TCF20: variants seen among roughly 807,000 people sequenced by gnomAD.
TCF20 encodes the protein transcription factor 20, also known as SPRE-binding protein.
In TCF20, 3 loss-of-function variants were observed where a neutral mutation model predicts 148.6. That is an observed-to-expected ratio of 0.02 (90% CI 0.01 to 0.05). The LOEUF is 0.05. Among genes scored for constraint, TCF20 ranks in the 10% least tolerant of loss-of-function variants. The probability of loss-of-function intolerance (pLI) is 1.00; values close to 1 mark genes in which losing one functional copy is unlikely to be tolerated. For synonymous variants in TCF20, 1,049 were observed against 909.5 expected, an observed-to-expected ratio of 1.15 and a Z score of -2.76; for missense variants, 2,350 against 2,429.3, an observed-to-expected ratio of 0.97 and a Z score of 0.69.
upstream of TCF20, chr22:42,275,148 G>A (rs1340935001): frequency 4.6e-5 from 7 of 152,306 alleles, no homozygotes; most frequent in African/African-American, 1.7e-4. Flanking sequence ...GACCTAGACA[G>A]TCAGTAGGAC....
At chr22:42,235,417 T>C (rs1270788505) in intron 1 of TCF20, among the ~76,000 whole-genome samples, 1 of 152,144 alleles carries the variant, frequency 6.6e-6, no homozygotes, top group East Asian at 1.9e-4. Context: ...GTGCACACCA[T>C]CTCTCTCCTG....
Position 42,269,243 on chromosome 22 carries a change from T to C in TCF20, c.-37+1096A>G, listed in dbSNP as rs188240477. On this transcript the variant is annotated intron_variant, in intron 1 of 5. Coordinates refer to ENST00000677622, the MANE Select transcript of TCF20 (RefSeq NM_001378418.1). The stretch of plus-strand genomic sequence containing the variant: ...ATTCAAAGATCAGCCTGTTAGATAA[T>C]AGCTCGAAAATTCCATCCATTTTAC... Among the ~76,000 whole-genome samples the C allele has an allele frequency of 3.0e-3, 462 of 152,118 alleles. 1 individual carries two copies. Among genetic ancestry groups the C allele is most frequent in the Non-Finnish European group, 4.4e-3 (297 of 67,990 alleles).
upstream of TCF20, among the ~76,000 whole-genome samples, chr22:42,271,059 G>A (rs1199167258): frequency 6.6e-6 from 1 of 152,144 alleles, no homozygotes; most frequent in Non-Finnish European, 1.5e-5. Flanking sequence ...CGGCCCGGGA[G>A]GTCCGCGGGC....
In TCF20 at chr22:42,214,201, T is replaced by C. The variant is rs777286706; in HGVS notation, c.1105A>G (p.Asn369Asp). 1.9e-6 allele frequency: 3 copies of C among 1,614,158 alleles called. No individual in the cohort carries two copies. Among genetic ancestry groups the C allele is most frequent in the Non-Finnish European group, 2.5e-6 (3 of 1,180,022 alleles). The change falls in exon 2 of 6, where the codon AAC becomes GAC. Residue 369 changes from asparagine (N) to aspartate (D), a missense_variant. This residue lies in a region of TCF20 where 1,641 missense variants were observed against 1,662.6 expected (regional missense o/e 0.99). Coordinates refer to ENST00000677622, the MANE Select transcript of TCF20 (RefSeq NM_001378418.1). ...QFHQNFSPIS[N>D]PSPAASVVQS... Reference sequence around the variant, plus strand: ...ACCACAGAGGCAGCTGGAGAAGGGTTAGAAATGGGGCTGAAGTTCTGGTGA... The same window carrying C: ...ACCACAGAGGCAGCTGGAGAAGGGTCAGAAATGGGGCTGAAGTTCTGGTGA...
intron 2 of TCF20, among the ~76,000 whole-genome samples, chr22:42,200,144 C>A (rs1184101088): frequency 6.6e-6 from 1 of 152,158 alleles, no homozygotes; most frequent in Non-Finnish European, 1.5e-5. Context: ...GTATATTAGG[C>A]TGAACTGCCT....
chr22:42,224,289 GT>G (rs1256956069), intron 1 of TCF20, among the ~76,000 whole-genome samples: 1 of 151,990 alleles, frequency 6.6e-6, no homozygotes, highest in African/African-American at 2.4e-5. Flanking sequence ...GGCTAACACA[GT>G]GAAACCCCGT....
At chr22:42,331,306 G>A (rs895055912) in intron 1 of TCF20, among the ~76,000 whole-genome samples, 1 of 152,126 alleles carries the variant, frequency 6.6e-6, no homozygotes, top group African/African-American at 2.4e-5. Context: ...CCTGCCGCAC[G>A]CCCTGGAAAC....
In TCF20 at chr22:42,212,864, A is replaced by T; in HGVS notation, c.2442T>A (p.Asn814Lys). 6.2e-7 allele frequency: 1 copy of T among 1,613,960 alleles called. No individual in the cohort carries two copies. Residue 814 changes from asparagine to lysine, a missense_variant, in exon 2 of 6, where the codon AAT (asparagine) becomes AAA (lysine). Transcript: ENST00000677622. Reference sequence around the variant, plus strand: ...TCCTTTCCCAGGGGCCCCAGTGGGGATTTTCTAATAGAGACCCAATGCTTT... The same window carrying T: ...TCCTTTCCCAGGGGCCCCAGTGGGGTTTTTCTAATAGAGACCCAATGCTTT... ...LNKSIGSLLE[N>K]PHWGPWERKS...
chr22:42,253,183 G>A (rs1264223044), intron 1 of TCF20, among the ~76,000 whole-genome samples: 2 of 152,158 alleles, frequency 1.3e-5, no homozygotes, highest in East Asian at 1.9e-4. Flanking sequence ...CAAAGAGAAT[G>A]CATTAGTTCA....
upstream of TCF20, among the ~76,000 whole-genome samples, chr22:42,287,364 T>A (rs1927051425): frequency 6.6e-6 from 1 of 152,158 alleles, no homozygotes; most frequent in Admixed American, 6.5e-5. Flanking sequence ...ATGAGCAAAC[T>A]GAGGCCCAGA....
intron 1 of TCF20, among the ~76,000 whole-genome samples, chr22:42,319,874 T>C (rs1459179480): frequency 2.6e-5 from 4 of 152,058 alleles, no homozygotes; most frequent in African/African-American, 9.7e-5. Context: ...CTGGATCCCC[T>C]TACCCCCACC....
At chr22:42,298,160 C>T (rs1476315040) in intron 1 of TCF20, among the ~76,000 whole-genome samples, 1 of 152,220 alleles carries the variant, frequency 6.6e-6, no homozygotes, top group Non-Finnish European at 1.5e-5. Flanking sequence ...CTCCTATCAC[C>T]AGATTCCCTA....
At chr22:42,204,969 G>A (rs1938290150) in intron 2 of TCF20, among the ~76,000 whole-genome samples, 1 of 152,140 alleles carries the variant, frequency 6.6e-6, no homozygotes. Context: ...CACCTTCTAT[G>A]AGAGGGGAAC....
intron 1 of TCF20, among the ~76,000 whole-genome samples, chr22:42,323,660 G>A (rs1182250388): frequency 1.3e-5 from 2 of 151,838 alleles, no homozygotes; most frequent in Non-Finnish European, 2.9e-5. Flanking sequence ...TGGAGAGCAG[G>A]AACCAGACTC....
At chr22:42,245,543 C>T (rs775203913) in intron 1 of TCF20, among the ~76,000 whole-genome samples, 1 of 152,148 alleles carries the variant, frequency 6.6e-6, no homozygotes, top group Non-Finnish European at 1.5e-5. Context: ...AAAAACTAAC[C>T]TTTCACCATC....
chr22:42,228,297 G>A (rs1923089688), intron 1 of TCF20, among the ~76,000 whole-genome samples: 1 of 152,204 alleles, frequency 6.6e-6, no homozygotes. Flanking sequence ...AACAGAAATT[G>A]CTAACGGATC....
chr22:42,178,187 T>C (rs1369403556), intron 3 of TCF20, among the ~76,000 whole-genome samples: 1 of 152,202 alleles, frequency 6.6e-6, no homozygotes, highest in East Asian at 1.9e-4. Context: ...TCTGGCCCTA[T>C]GTTTCTTTCA....
chr22:42,187,345 A>C (rs1209328106), intron 2 of TCF20, among the ~76,000 whole-genome samples: 1 of 152,196 alleles, frequency 6.6e-6, no homozygotes, highest in Non-Finnish European at 1.5e-5. Flanking sequence ...ATATATTTAG[A>C]TCACCATTCT....
Position 42,164,557 on chromosome 22 carries a change from T to G in TCF20, c.*45-3199A>C, listed in dbSNP as rs894393362. ...CTCATTTCTTTAACACAGACTCACT[T>G]GGCACTAGCATAGTTACATGCCCCG... On this transcript the variant is annotated intron_variant, in intron 5 of 5. Coordinates refer to ENST00000677622, the MANE Select transcript of TCF20 (RefSeq NM_001378418.1). Among the ~76,000 whole-genome samples the G allele has an allele frequency of 6.0e-4, 91 of 152,328 alleles. 1 individual carries two copies. The highest frequency in any genetic ancestry group is 2.1e-3 in the African/African-American group (88 of 41,582).
Sources: gnomAD v4.1 joint callset for allele counts (sites outside exome capture counted in the v4.1 genomes callset) on GRCh38, gnomAD v4.1.1 for gene constraint, gnomAD v4.1.1 regional missense constraint, MANE v1.5 for transcripts, NCBI Gene and HGNC (gene_info 2026-07-23, HGNC 2026-07-21) for gene names.